The following SRSF11 variants were observed in gnomAD, a reference collection of about 807,000 sequenced individuals.
SRSF11 encodes serine/arginine-rich splicing factor 11.
Under a neutral mutation model 56.0 loss-of-function variants are expected in SRSF11, and 9 were observed. The ratio of observed to expected loss-of-function variants is 0.16; its 90% CI spans 0.10 to 0.28. The LOEUF (loss-of-function observed/expected upper bound fraction) is 0.28. SRSF11 is among the 10% of genes least tolerant of loss of function. The pLI is 1.00. For synonymous variants in SRSF11, 222 were observed against 215.3 expected (o/e 1.03, Z -0.27); for missense variants, 421 against 600.7 (o/e 0.70, Z 3.13).
chr1:70,209,427 G>C (rs549567137), intron 1 of SRSF11, among the ~76,000 whole-genome samples: 1 of 152,272 alleles, frequency 6.6e-6, no homozygotes, highest in Non-Finnish European at 1.5e-5. Flanking sequence ...ATTGTATTGT[G>C]TTTATCTTTC....
At chr1:70,221,897 C>A in intron 1 of SRSF11, 58 bp downstream of exon 1, 1 of 1,601,096 alleles carries the variant, frequency 6.2e-7, no homozygotes, top group Non-Finnish European at 8.5e-7. Flanking sequence ...GGGCCTAACA[C>A]ACACAATTTC....
chr1:70,219,986 A>G (rs940276133), upstream of SRSF11, among the ~76,000 whole-genome samples: 2 of 152,230 alleles, frequency 1.3e-5, no homozygotes, highest in Non-Finnish European at 2.9e-5. Flanking sequence ...TTTTACCTCT[A>G]AAAACATTCA....
chr1:70,216,520 C>T (rs1159024795), upstream of SRSF11, among the ~76,000 whole-genome samples: 1 of 151,664 alleles, frequency 6.6e-6, no homozygotes, highest in African/African-American at 2.4e-5. Context: ...GCAGCTTTGA[C>T]CTCCCAGGCT....
In SRSF11 at chr1:70,234,682, T is replaced by A; in HGVS notation, c.448-14T>A. ...AAATGAAGTTTTAAATAAATAAAAT[T>A]TGCCATTTCACAGATTGGCGCTGTT... On this transcript the variant is annotated splice_polypyrimidine_tract_variant and intron_variant, in intron 3 of 11. Transcript: ENST00000370949. The A allele has an allele frequency of 6.3e-7, 1 of 1,580,020 alleles. No homozygotes were observed. Among genetic ancestry groups the A allele is most frequent in the South Asian group, 1.2e-5 (1 of 85,806 alleles).
Position 70,221,823 on chromosome 1 carries a change from C to T in SRSF11, c.187C>T (p.Arg63Cys). The change falls in exon 1 of 12, where the codon CGC (arginine) becomes TGC (cysteine). Residue 63 changes from arginine (R) to cysteine (C), a missense_variant. Arg to Cys is a radical substitution (Grantham distance 180). This residue lies in a region of SRSF11 where 168 missense variants were observed against 294.9 expected (regional missense o/e 0.57). Coordinates refer to ENST00000370949, the MANE Select transcript of SRSF11 (RefSeq NM_001350605.2). ...TTTCCTAGGCAAGATCGACGAACTG[C>T]GCCTCTTCCCGCCGGAGTGAGTATC... ...FGFLGKIDELRLFPPDDSPLP... is the reference protein window; with the variant it reads ...FGFLGKIDELCLFPPDDSPLP... 2 of 1,613,832 alleles carry T rather than the reference C, an allele frequency of 1.2e-6. No individual in the cohort carries two copies. The highest frequency in any genetic ancestry group is 1.7e-6 in the Non-Finnish European group (2 of 1,179,984).
intron 1 of SRSF11, among the ~76,000 whole-genome samples, chr1:70,213,985 CT>C (rs1450240509): frequency 6.6e-6 from 1 of 152,038 alleles, no homozygotes; most frequent in Non-Finnish European, 1.5e-5. Context: ...TACACTTTCA[CT>C]TTTTTTCCAG....
chr1:70,241,000 G>A (rs534811406), intron 7 of SRSF11, among the ~76,000 whole-genome samples: 1 of 151,786 alleles, frequency 6.6e-6, no homozygotes, highest in African/African-American at 2.4e-5. Context: ...TCAAACCCGC[G>A]ACCTCAGGTG....
chr1:70,241,041 G>A (rs1675268014), intron 7 of SRSF11, among the ~76,000 whole-genome samples: 2 of 152,180 alleles, frequency 1.3e-5, no homozygotes, highest in East Asian at 1.9e-4. Flanking sequence ...CAAAGTGCTG[G>A]GATTACAGGT....
chr1:70,218,076 C>T (rs182433524), upstream of SRSF11, among the ~76,000 whole-genome samples: 446 of 152,060 alleles, frequency 2.9e-3, no homozygotes, highest in Non-Finnish European at 4.5e-3. Context: ...GCCATTCTCC[C>T]GCCTCAGCCT....
chr1:70,247,426 A>G (rs950582756), intron 9 of SRSF11, among the ~76,000 whole-genome samples: 3 of 152,144 alleles, frequency 2.0e-5, no homozygotes, highest in Non-Finnish European at 2.9e-5. Flanking sequence ...TTTGGGATTT[A>G]TATGATAGTA....
chr1:70,243,193 A>G (rs1423338578), intron 7 of SRSF11, among the ~76,000 whole-genome samples: 2 of 151,982 alleles, frequency 1.3e-5, no homozygotes, highest in African/African-American at 4.8e-5. Flanking sequence ...CCGTATATGC[A>G]GGGGATTGGT....
chr1:70,232,328 G>A lies in SRSF11; in HGVS notation c.398G>A (p.Gly133Asp), dbSNP rs1672988032. 1 of 1,614,024 alleles carries A rather than the reference G, an allele frequency of 6.2e-7. No homozygotes were observed. The highest frequency in any genetic ancestry group is 1.7e-5 in the Admixed American group (1 of 60,000). The change falls in exon 3 of 12, where the codon GGT becomes GAT. Residue 133 changes from glycine (G) to aspartate (D), a missense_variant. Gly to Asp is a moderately conservative substitution (Grantham distance 94, BLOSUM62 -1). Transcript: ENST00000370949. ...TTGGCACCAGCTAATGCAGTGGCAG[G>A]TCTTCTGCCTGGTGGTGGACTCCTG... ...SLLAPANAVA[G>D]LLPGGGLLPT...
chr1:70,250,943 C>T lies in SRSF11; in HGVS notation c.*138C>T, dbSNP rs1453740782. On this transcript the variant is annotated 3_prime_UTR_variant, in exon 12 of 12. Coordinates refer to ENST00000370949, the MANE Select transcript of SRSF11 (RefSeq NM_001350605.2). ...ATAAATGGTTATAAAGCTCCTGTTA[C>T]TCATATTAGTTATTTACATCAAAAA... The T allele has an allele frequency of 8.5e-6, 6 of 709,806 alleles. No individual in the cohort carries two copies. The highest frequency in any genetic ancestry group is 1.4e-5 in the Non-Finnish European group (6 of 435,212). 44.0% of individuals were successfully genotyped at this position (709,806 alleles called of 1,614,324 possible).
chr1:70,211,948 C>G (rs1411445502), intron 1 of SRSF11, among the ~76,000 whole-genome samples: 1 of 152,180 alleles, frequency 6.6e-6, no homozygotes, highest in Non-Finnish European at 1.5e-5. Context: ...TACTACATCT[C>G]TACCATCTCA....
Position 70,221,652 on chromosome 1 carries a change from G to A in SRSF11, c.16G>A (p.Val6Ile). The A allele has an allele frequency of 6.2e-7, 1 of 1,611,524 alleles. No individual in the cohort carries two copies. The highest frequency in any genetic ancestry group is 8.5e-7 in the Non-Finnish European group (1 of 1,178,656). The change falls in exon 1 of 12, where the codon GTC becomes ATC. Residue 6 changes from valine to isoleucine, a missense_variant. Val to Ile is a conservative substitution (Grantham distance 29). Around this residue, in one of 2 missense-constraint regions of SRSF11, gnomAD observed 168 missense variants for 294.9 expected, o/e 0.57. Transcript: ENST00000370949. MSNTT[V>I]VPSTAGPGPS... ...GAGCAGCGCCATGAGCAACACTACC[G>A]TCGTCCCCAGCACTGCAGGTCCGGG...
intron 1 of SRSF11, among the ~76,000 whole-genome samples, chr1:70,210,546 C>G (rs1669472067): frequency 6.6e-6 from 1 of 152,102 alleles, no homozygotes; most frequent in South Asian, 2.1e-4. Flanking sequence ...AACTCTGTCT[C>G]TACAAAAAAT....
At chr1:70,210,157 G>A (rs71651448) in intron 1 of SRSF11, among the ~76,000 whole-genome samples, 9 of 150,510 alleles carry the variant, frequency 6.0e-5, no homozygotes, top group Non-Finnish European at 1.2e-4. Flanking sequence ...TTCTGCTCCC[G>A]CCCCCCTTTT....
At chr1:70,229,742 G>C (rs1167789935) in intron 2 of SRSF11, 1 of 984,200 alleles carries the variant, frequency 1.0e-6, no homozygotes, top group African/African-American at 1.7e-5. Flanking sequence ...TGTAAAAGTT[G>C]TGAAATGTCT....
chr1:70,237,301 G>T (rs767633845), intron 5 of SRSF11, 124 bp from the exon 6 acceptor site: 12 of 1,199,964 alleles, frequency 1.0e-5, no homozygotes, highest in Non-Finnish European at 1.4e-5. Flanking sequence ...TTATCATGGA[G>T]TCCTCCCCTC....
Sources: allele counts gnomAD v4.1 joint callset (sites outside exome capture counted in the v4.1 genomes callset), GRCh38; gene constraint gnomAD v4.1.1; regional missense constraint gnomAD v4.1.1; transcripts MANE v1.5; gene names NCBI Gene and HGNC (gene_info 2026-07-23, HGNC 2026-07-21).